Variants in FGFR3 observed in about 807,000 individuals in gnomAD.
FGFR3 encodes FGFR-3.
FGFR3 carries 25 observed loss-of-function variants against 82.9 expected under a neutral mutation model. The observed-to-expected ratio is 0.30, with a 90% CI of 0.22 to 0.42. The LOEUF (loss-of-function observed/expected upper bound fraction) is 0.42, where lower values mean the gene tolerates loss of function less well. Among genes scored for constraint, FGFR3 ranks in the 10% least tolerant of loss-of-function variants. The pLI is 1.00. For missense variants in FGFR3, 1,026 were observed against 1,161.0 expected, an observed-to-expected ratio of 0.88 and a Z score of 1.69; for synonymous variants, 620 against 516.0, an observed-to-expected ratio of 1.20 and a Z score of -2.73.
Position 1,804,896 on chromosome 4 carries a change from G to A in FGFR3, c.1339G>A (p.Glu447Lys). 1 of 1,550,086 alleles carries A rather than the reference G, an allele frequency of 6.5e-7. No individual in the cohort carries two copies. Among genetic ancestry groups the A allele is most frequent in the Non-Finnish European group, 8.7e-7 (1 of 1,146,952 alleles). Residue 447 changes from glutamate to lysine, a missense_variant, in exon 10 of 18, where the codon GAG becomes AAG. Transcript: ENST00000440486. The stretch of plus-strand genomic sequence containing the variant: ...GCGCATCGCAAGGCTGTCCTCAGGG[G>A]AGGGCCCCACGCTGGCCAATGTCTC... ...LVRIARLSSG[E>K]GPTLANVSEL...
Position 1,793,432 on chromosome 4 carries a change from C to G in FGFR3, c.-136C>G, listed in dbSNP as rs781380390. 1 of 149,324 alleles carries G rather than the reference C, an allele frequency of 6.7e-6. No homozygotes were observed. The allele number at this position is 149,324 out of a possible 1,614,324, so 9.2% of individuals were successfully genotyped here. ...GCGGACAGCGAGCCGGAGCGGGAGC[C>G]GCGCGTAGCGAGCCGGGCTCCGGCG... On this transcript the variant is annotated 5_prime_UTR_variant, in exon 1 of 18. Transcript: ENST00000440486.
At position 1,805,545 on chromosome 4, in the gene FGFR3, C is replaced by T. The variant is rs3135895; in HGVS notation, c.1535-14C>T. ...CCGCCGCCGCCTGACACAGGCCCCC[C>T]GCTCCGTGCACAGACGATGCCACTG... On this transcript the variant is annotated splice_polypyrimidine_tract_variant and intron_variant, in intron 11 of 17. Coordinates refer to ENST00000440486, the MANE Select transcript of FGFR3 (RefSeq NM_000142.5). 2.4e-4 allele frequency: 381 copies of T among 1,612,886 alleles called. 2 individuals carry two copies. The East Asian group carries it at 5.9e-3, about 25-fold the overall frequency.
Position 1,807,018 on chromosome 4 carries a change from G to A in FGFR3, c.2274+84G>A, listed in dbSNP as rs1462695190. 3.2e-6 allele frequency: 5 copies of A among 1,550,400 alleles called. No homozygotes were observed. The African/African-American group carries it at 5.5e-5, about 17-fold the overall frequency. ...GCCATCCTGCCCCCCAGAGTGCTGA[G>A]GTGTGGGGCGGGCCTTCTGGGGCAC... On this transcript the variant is annotated intron_variant, in intron 17 of 17. Transcript: ENST00000440486.
In FGFR3 at chr4:1,793,944, C is replaced by G. The variant is rs1438844182; in HGVS notation, c.10C>G (p.Pro4Ala). 2.3e-6 allele frequency: 3 copies of G among 1,328,292 alleles called. No individual in the cohort carries two copies. Among genetic ancestry groups the G allele is most frequent in the Non-Finnish European group, 2.9e-6 (3 of 1,026,706 alleles). 82.3% of individuals were successfully genotyped at this position (1,328,292 alleles called of 1,614,324 possible). A position where few individuals can be genotyped will look rare whatever the true frequency, so the allele number is the denominator to read the frequency against. The change falls in exon 2 of 18, where the codon CCT (proline) becomes GCT (alanine). Residue 4 changes from proline to alanine, a missense_variant. Pro to Ala is a conservative substitution (Grantham distance 27). Transcript: ENST00000440486. MGA[P>A]ACALALCVAV... ...GGCCCCCGCCCCCGCCATGGGCGCC[C>G]CTGCCTGCGCCCTCGCGCTCTGCGT...
Position 1,805,767 on chromosome 4 carries a change from G to T in FGFR3, c.1663G>T (p.Val555Leu), listed in dbSNP as rs1474187970. 6.2e-7 allele frequency: 1 copy of T among 1,612,626 alleles called. No homozygotes were observed. Among genetic ancestry groups the T allele is most frequent in the Non-Finnish European group, 8.5e-7 (1 of 1,179,792 alleles). Residue 555 changes from valine (V) to leucine (L), a missense_variant, in exon 13 of 18, where the codon GTG becomes TTG. Val to Leu is a conservative substitution (Grantham distance 32). This residue lies in a region of FGFR3 where 164 missense variants were observed against 167.5 expected (regional missense o/e 0.98). Transcript: ENST00000440486. Reference sequence around the variant, plus strand: ...GTCCCCAGGGCCCCTGTACGTGCTGGTGGAGTACGCGGCCAAGGGTAACCT... The same window carrying T: ...GTCCCCAGGGCCCCTGTACGTGCTGTTGGAGTACGCGGCCAAGGGTAACCT... ...CTQGGPLYVL[V>L]EYAAKGNLRE...
At position 1,801,359 on chromosome 4, in the gene FGFR3, G is replaced by C. The variant is rs868082562; in HGVS notation, c.446-8G>C. On this transcript the variant is annotated splice_region_variant and splice_polypyrimidine_tract_variant and intron_variant, in intron 4 of 17. Coordinates refer to ENST00000440486, the MANE Select transcript of FGFR3 (RefSeq NM_000142.5). ...GGTCATGGCCTTCACACGCACCTCGGCCCGCAGGGGCCCCTTACTGGACAC... is the reference window on the plus strand; with the variant it reads ...GGTCATGGCCTTCACACGCACCTCGCCCCGCAGGGGCCCCTTACTGGACAC... The C allele has an allele frequency of 6.4e-7, 1 of 1,551,054 alleles. No individual in the cohort carries two copies. Among genetic ancestry groups the C allele is most frequent in the African/African-American group, 1.4e-5 (1 of 73,464 alleles).
intron 2 of FGFR3, among the ~76,000 whole-genome samples, chr4:1,797,794 G>A (rs188473637): frequency 3.9e-5 from 6 of 152,310 alleles, no homozygotes; most frequent in South Asian, 2.1e-4. Flanking sequence ...GATGCTTCAG[G>A]GGATGAGTGT....
chr4:1,803,963 C>A, intron 8 of FGFR3, 127 bp downstream of exon 8: 1 of 1,132,944 alleles, frequency 8.8e-7, no homozygotes, highest in East Asian at 2.4e-5. Context: ...AGCCCTCACT[C>A]CTGGCCCTGT....
chr4:1,799,649 G>T lies in FGFR3; in HGVS notation c.380-98G>T, dbSNP rs1031684603. 3.2e-6 allele frequency: 5 copies of T among 1,565,966 alleles called. No individual in the cohort carries two copies. In the East Asian group the frequency reaches 9.2e-5, roughly 29 times the overall value. ...GTGGAGAGGAGGGCACCCCCAGGAA[G>T]TGCTGCCCAAATGGGGGACCCTGCC... On this transcript the variant is annotated intron_variant, in intron 3 of 17. Transcript: ENST00000440486.
At chr4:1,795,320 T>C (rs2108757148) in intron 2 of FGFR3, among the ~76,000 whole-genome samples, 1 of 151,946 alleles carries the variant, frequency 6.6e-6, no homozygotes, top group Admixed American at 6.5e-5. Context: ...GGCCCGGGAA[T>C]GTCAGCCAGC....
rs753520867 is a variant in FGFR3 at position 1,803,728 on chromosome 4, G to T, written c.967G>T (p.Val323Phe). Residue 323 changes from valine (V) to phenylalanine (F), a missense_variant, in exon 8 of 18, where the codon GTT (valine) becomes TTT (phenylalanine). By Grantham distance (50) the Val-to-Phe change is conservative. Coordinates refer to ENST00000440486, the MANE Select transcript of FGFR3 (RefSeq NM_000142.5). ...GANTTDKELE[V>F]LSLHNVTFED... ...TAACACCACCGACAAGGAGCTAGAGGTTCTCTCCTTGCACAACGTCACCTT... is the reference window on the plus strand; with the variant it reads ...TAACACCACCGACAAGGAGCTAGAGTTTCTCTCCTTGCACAACGTCACCTT... 1 of 1,613,912 alleles carries T rather than the reference G, an allele frequency of 6.2e-7. No homozygotes were observed. Among genetic ancestry groups the T allele is most frequent in the Non-Finnish European group, 8.5e-7 (1 of 1,180,040 alleles).
At chr4:1,803,410 C>A (rs916336898) in intron 7 of FGFR3, among the ~76,000 whole-genome samples, 2 of 152,194 alleles carry the variant, frequency 1.3e-5, no homozygotes, top group African/African-American at 4.8e-5. Flanking sequence ...GTCCATCCTC[C>A]ACCTGCACCC....
rs1433379827 is a variant in FGFR3 at position 1,807,801 on chromosome 4, C to A, written c.*539C>A. The A allele has an allele frequency of 9.9e-6, 5 of 504,890 alleles. No homozygotes were observed. In the East Asian group the frequency reaches 1.8e-4, roughly 18 times the overall value. The allele number at this position is 504,890 out of a possible 1,614,324, so 31.3% of individuals were successfully genotyped here. On this transcript the variant is annotated 3_prime_UTR_variant, in exon 18 of 18. Coordinates refer to ENST00000440486, the MANE Select transcript of FGFR3 (RefSeq NM_000142.5). ...CCCTGCCCCTCAGAGACTGAAATTA[C>A]GGGTACCTGAAGATGGGAGCCTTTA...
intron 2 of FGFR3, among the ~76,000 whole-genome samples, chr4:1,796,545 C>T (rs914578269): frequency 1.3e-5 from 2 of 152,142 alleles, no homozygotes; most frequent in African/African-American, 4.8e-5. Flanking sequence ...CCAAATAAAC[C>T]CCTGGGGCAG....
At position 1,801,843 on chromosome 4, in the gene FGFR3, C is replaced by G; in HGVS notation, c.748C>G (p.Pro250Ala). The change falls in exon 7 of 18, where the codon CCG becomes GCG. Residue 250 changes from proline (P) to alanine (A), a missense_variant. Pro to Ala is a conservative substitution (Grantham distance 27). Transcript: ENST00000440486. Reference protein sequence around the residue: ...TYTLDVLERSPHRPILQAGLP... With the variant: ...TYTLDVLERSAHRPILQAGLP... ...GTCATCTGCCCCCACAGAGCGCTCC[C>G]CGCACCGGCCCATCCTGCAGGCGGG... 6.2e-7 allele frequency: 1 copy of G among 1,607,054 alleles called. No individual in the cohort carries two copies. Among genetic ancestry groups the G allele is most frequent in the Non-Finnish European group, 8.5e-7 (1 of 1,176,174 alleles).
chr4:1,801,149 C>T (rs1289116968), intron 4 of FGFR3, among the ~76,000 whole-genome samples: 1 of 152,186 alleles, frequency 6.6e-6, no homozygotes, highest in East Asian at 1.9e-4. Context: ...GGCAGAGCAC[C>T]CTGGAGGGGA....
chr4:1,797,292 C>G (rs994133973), intron 2 of FGFR3, among the ~76,000 whole-genome samples: 2 of 152,180 alleles, frequency 1.3e-5, no homozygotes, highest in South Asian at 2.1e-4. Context: ...CTTATAGCAC[C>G]CACTCATGCC....
Position 1,794,015 on chromosome 4 carries a change from G to T in FGFR3, c.81G>T (p.Thr27=). The T allele has an allele frequency of 7.1e-7, 1 of 1,412,756 alleles. No individual in the cohort carries two copies. Among genetic ancestry groups the T allele is most frequent in the South Asian group, 1.6e-5 (1 of 63,598 alleles). 87.5% of individuals were successfully genotyped at this position (1,412,756 alleles called of 1,614,324 possible). A position where few individuals can be genotyped will look rare whatever the true frequency, so the allele number is the denominator to read the frequency against. ...GCGCCTCCTCGGAGTCCTTGGGGAC[G>T]GAGCAGCGCGTCGTGGGGCGAGCGG... ...VAGASSESLG[T]EQRVVGRAAE... is the part of the protein sequence containing the mutation. Residue 27 remains threonine, a synonymous_variant, in exon 2 of 18, where the codon ACG becomes ACT. Transcript: ENST00000440486.
chr4:1,798,959 G>C (rs923438980), intron 2 of FGFR3, among the ~76,000 whole-genome samples: 5 of 152,216 alleles, frequency 3.3e-5, no homozygotes, highest in African/African-American at 4.8e-5. Flanking sequence ...TGAATTCTCC[G>C]TGTCCATGAG....
Sources: allele counts gnomAD v4.1 joint callset (sites outside exome capture counted in the v4.1 genomes callset), GRCh38; gene constraint gnomAD v4.1.1; regional missense constraint gnomAD v4.1.1; transcripts MANE v1.5; gene names NCBI Gene and HGNC (gene_info 2026-07-23, HGNC 2026-07-21).